The following ME1 variants were observed in gnomAD, a reference collection of about 807,000 sequenced individuals.
ME1 encodes the protein malic enzyme 1.
ME1 carries 74 observed loss-of-function variants against 66.4 expected under a neutral mutation model. The observed-to-expected ratio is 1.11, with a 90% CI of 0.92 to 1.35. ME1 has a LOEUF of 1.35. Among genes scored for constraint, ME1 ranks in the 40% most tolerant of loss-of-function variants. ME1 has a pLI of 0.00. For missense variants in ME1, 750 were observed against 694.1 expected, an observed-to-expected ratio of 1.08 and a Z score of -0.90; for synonymous variants, 251 against 235.6, an observed-to-expected ratio of 1.07 and a Z score of -0.60.
chr6:83,426,431 G>C (rs997041984), intron 1 of ME1, among the ~76,000 whole-genome samples: 7 of 152,174 alleles, frequency 4.6e-5, no homozygotes, highest in African/African-American at 1.7e-4. Flanking sequence ...GAGGTACCTG[G>C]CTGTATATGA....
chr6:83,413,129 C>A (rs947774407), intron 1 of ME1, among the ~76,000 whole-genome samples: 1 of 152,148 alleles, frequency 6.6e-6, no homozygotes, highest in Non-Finnish European at 1.5e-5. Context: ...GCCTCAGTCT[C>A]CCAAGTAGCT....
chr6:83,386,379 T>C (rs1265228675), intron 3 of ME1, among the ~76,000 whole-genome samples: 1 of 152,012 alleles, frequency 6.6e-6, no homozygotes, highest in African/African-American at 2.4e-5. Flanking sequence ...AAAAGTTTCC[T>C]AGATATTCCT....
At position 83,354,314 on chromosome 6, in the gene ME1, A is replaced by T. The variant is rs9449612; in HGVS notation, c.363-2175T>A. 2.3e-3 allele frequency among the ~76,000 whole-genome samples: 355 copies of T among 152,084 alleles called. 3 individuals carry two copies. The highest frequency in any genetic ancestry group is 8.4e-3 in the African/African-American group (347 of 41,500). On this transcript the variant is annotated intron_variant, in intron 3 of 13. Transcript: ENST00000369705. ...GCTAATTTTTGTATTTTTAGTAGACATGAGATGGGGTTTCACCACGTTGGC... is the reference window on the plus strand; with the variant it reads ...GCTAATTTTTGTATTTTTAGTAGACTTGAGATGGGGTTTCACCACGTTGGC...
At chr6:83,269,137 T>A (rs1031675575) in intron 6 of ME1, among the ~76,000 whole-genome samples, 1 of 152,146 alleles carries the variant, frequency 6.6e-6, no homozygotes, top group Non-Finnish European at 1.5e-5. Flanking sequence ...TGGGTAAAGG[T>A]AGTATGATCC....
At chr6:83,326,464 T>C (rs1401213510) in intron 5 of ME1, among the ~76,000 whole-genome samples, 1 of 152,098 alleles carries the variant, frequency 6.6e-6, no homozygotes, top group Non-Finnish European at 1.5e-5. Context: ...ACCTACAGAA[T>C]GGGAGAAATT....
At chr6:83,328,968 T>A (rs959265802) in intron 5 of ME1, among the ~76,000 whole-genome samples, 6 of 152,180 alleles carry the variant, frequency 3.9e-5, no homozygotes, top group Non-Finnish European at 8.8e-5. Flanking sequence ...GATCTTACTA[T>A]TCACATTATC....
intron 6 of ME1, among the ~76,000 whole-genome samples, chr6:83,308,389 T>C: frequency 6.6e-6 from 1 of 151,930 alleles, no homozygotes; most frequent in Admixed American, 6.6e-5. Context: ...TTAATAATCA[T>C]TAATGAAATT....
At chr6:83,395,773 C>T (rs2128550404) in intron 3 of ME1, among the ~76,000 whole-genome samples, 1 of 150,932 alleles carries the variant, frequency 6.6e-6, no homozygotes, top group South Asian at 2.1e-4. Flanking sequence ...TGTGCCTGGC[C>T]AAATCTTAAA....
chr6:83,285,093 C>A (rs547357646), intron 6 of ME1, among the ~76,000 whole-genome samples: 1 of 152,166 alleles, frequency 6.6e-6, no homozygotes, highest in East Asian at 1.9e-4. Flanking sequence ...TAACATTAGA[C>A]TGAAAATAAG....
At chr6:83,308,541 T>C (rs1456849101) in intron 6 of ME1, among the ~76,000 whole-genome samples, 1 of 151,222 alleles carries the variant, frequency 6.6e-6, no homozygotes. Flanking sequence ...ATTTAAGAGC[T>C]TTAATATTTC....
chr6:83,278,945 T>C (rs73749778), intron 6 of ME1, among the ~76,000 whole-genome samples: 9,611 of 152,092 alleles, frequency 0.063, 484 homozygotes, highest in African/African-American at 0.13. Context: ...TACTCAAAAC[T>C]CAGGCTCACT....
intron 2 of ME1, among the ~76,000 whole-genome samples, chr6:83,401,280 A>C (rs1769833371): frequency 6.6e-6 from 1 of 152,196 alleles, no homozygotes; most frequent in South Asian, 2.1e-4. Context: ...GACTACAGTG[A>C]GCTATGGTCA....
At chr6:83,263,208 C>T (rs1766928772) in intron 6 of ME1, among the ~76,000 whole-genome samples, 1 of 152,132 alleles carries the variant, frequency 6.6e-6, no homozygotes, top group Admixed American at 6.6e-5. Context: ...GTTCTGACTG[C>T]TCCACTGACT....
intron 5 of ME1, among the ~76,000 whole-genome samples, chr6:83,319,751 G>A (rs1288146226): frequency 6.6e-6 from 1 of 152,314 alleles, no homozygotes; most frequent in South Asian, 2.1e-4. Flanking sequence ...CCTATTCAAA[G>A]AATATTCCCT....
chr6:83,334,001 C>T lies in ME1; in HGVS notation c.600+12172G>A, dbSNP rs1768470640. 2.6e-5 allele frequency among the ~76,000 whole-genome samples: 4 copies of T among 151,972 alleles called. No individual in the cohort carries two copies. The South Asian group carries it at 6.2e-4, about 24-fold the overall frequency. ...ATAGGAACAGCTCTGGTCTACAGCT[C>T]CCAGCGTGAGCGACGCAGAAGACGG... is the stretch of plus-strand genomic sequence containing the variant. On this transcript the variant is annotated intron_variant, in intron 5 of 13. Transcript: ENST00000369705.
intron 6 of ME1, among the ~76,000 whole-genome samples, chr6:83,257,165 C>T (rs1583343725): frequency 6.6e-6 from 1 of 151,758 alleles, no homozygotes; most frequent in East Asian, 1.9e-4. Context: ...ACATTTAGCA[C>T]ATGTACCCCA....
Position 83,258,537 on chromosome 6 carries a change from A to G in ME1, c.705-4799T>C, listed in dbSNP as rs141115895. 6.9e-3 allele frequency among the ~76,000 whole-genome samples: 1,054 copies of G among 152,284 alleles called. 16 individuals carry two copies. Among genetic ancestry groups the G allele is most frequent in the African/African-American group, 0.023 (961 of 41,570 alleles). On this transcript the variant is annotated intron_variant, in intron 6 of 13. Transcript: ENST00000369705. Reference sequence around the variant, plus strand: ...CTAGGTGCAAATGGTTTTAAAAGTTAACAGAAATAACACCCATAAAATTAA... The same window carrying G: ...CTAGGTGCAAATGGTTTTAAAAGTTGACAGAAATAACACCCATAAAATTAA...
At chr6:83,350,373 T>C (rs1332328088) in intron 4 of ME1, among the ~76,000 whole-genome samples, 1 of 152,224 alleles carries the variant, frequency 6.6e-6, no homozygotes, top group Non-Finnish European at 1.5e-5. Flanking sequence ...CATGGTGTGA[T>C]AGCTTACTGC....
At chr6:83,306,610 T>C (rs556281127) in intron 6 of ME1, among the ~76,000 whole-genome samples, 1 of 152,244 alleles carries the variant, frequency 6.6e-6, no homozygotes, top group South Asian at 2.1e-4. Context: ...AGGCAGAGAC[T>C]CTTTATTTGG....
Sources: gnomAD v4.1 joint callset for allele counts (sites outside exome capture counted in the v4.1 genomes callset) on GRCh38, gnomAD v4.1.1 for gene constraint, MANE v1.5 for transcripts, NCBI Gene and HGNC (gene_info 2026-07-23, HGNC 2026-07-21) for gene names.